NSMCE2: variants seen among roughly 807,000 people sequenced by gnomAD.
The protein encoded by NSMCE2 is E3 SUMO-protein ligase NSE2.
In NSMCE2, 24 loss-of-function variants were observed where a neutral mutation model predicts 23.8. That is an observed-to-expected ratio of 1.01 (90% confidence interval 0.73 to 1.42). The LOEUF (loss-of-function observed/expected upper bound fraction) is 1.42. Among genes scored for constraint, NSMCE2 ranks in the 40% most tolerant of loss-of-function variants. The pLI is 0.00. For missense variants in NSMCE2, 284 were observed against 296.5 expected (o/e 0.96, Z 0.31); for synonymous variants, 92 against 94.1 (o/e 0.98, Z 0.13).
intron 5 of NSMCE2, among the ~76,000 whole-genome samples, chr8:125,269,157 G>A (rs1827072955): frequency 6.6e-6 from 1 of 152,078 alleles, no homozygotes; most frequent in African/African-American, 2.4e-5. Context: ...ACACGATCTC[G>A]ACTCACTTCA....
chr8:125,354,697 A>C (rs1196675913), intron 5 of NSMCE2, among the ~76,000 whole-genome samples: 1 of 152,232 alleles, frequency 6.6e-6, no homozygotes, highest in South Asian at 2.1e-4. Flanking sequence ...GCTGGCATAC[A>C]AATATACCAG....
intron 5 of NSMCE2, among the ~76,000 whole-genome samples, chr8:125,205,107 C>G (rs998843587): frequency 6.6e-6 from 1 of 152,216 alleles, no homozygotes; most frequent in African/African-American, 2.4e-5. Context: ...TTCACTCTTG[C>G]TGATCTCTTC....
intron 5 of NSMCE2, among the ~76,000 whole-genome samples, chr8:125,202,174 G>A (rs548600910): frequency 1.3e-5 from 2 of 152,178 alleles, no homozygotes; most frequent in African/African-American, 4.8e-5. Flanking sequence ...CGCTTCCTTC[G>A]TGAGGCAATG....
chr8:125,277,772 C>T (rs2097073747), intron 5 of NSMCE2, among the ~76,000 whole-genome samples: 1 of 152,202 alleles, frequency 6.6e-6, no homozygotes, highest in South Asian at 2.1e-4. Flanking sequence ...CCTCGGCCTC[C>T]CAGAGTGCTG....
chr8:125,128,942 GTAACA>G (rs928549855), intron 3 of NSMCE2, among the ~76,000 whole-genome samples: 3 of 152,046 alleles, frequency 2.0e-5, no homozygotes, highest in African/African-American at 7.2e-5. Flanking sequence ...CCCTTTCCAT[GTAACA>G]TAACATAATT....
chr8:125,303,243 A>T (rs1183381503), intron 5 of NSMCE2, among the ~76,000 whole-genome samples: 6 of 151,992 alleles, frequency 3.9e-5, no homozygotes, highest in Non-Finnish European at 7.4e-5. Context: ...GAACTGTCAG[A>T]CTCCTTAGTC....
chr8:125,096,824 T>C (rs1817959413), intron 1 of NSMCE2, among the ~76,000 whole-genome samples: 1 of 152,102 alleles, frequency 6.6e-6, no homozygotes, highest in South Asian at 2.1e-4. Flanking sequence ...TTGGCTGGGC[T>C]GGTCTTGAAC....
intron 3 of NSMCE2, among the ~76,000 whole-genome samples, chr8:125,115,087 C>T (rs935948326): frequency 2.6e-5 from 4 of 152,144 alleles, no homozygotes; most frequent in Admixed American, 2.6e-4. Context: ...TGGCAGTGGA[C>T]TTTGTACATT....
At chr8:125,093,461 G>A (rs569070174) in intron 1 of NSMCE2, among the ~76,000 whole-genome samples, 1 of 152,250 alleles carries the variant, frequency 6.6e-6, no homozygotes, top group African/African-American at 2.4e-5. Context: ...GGCCAAGGCG[G>A]GCGGATCACT....
intron 3 of NSMCE2, among the ~76,000 whole-genome samples, chr8:125,108,165 AGAACAAACT>A (rs1168904902): frequency 6.6e-6 from 1 of 152,246 alleles, no homozygotes; most frequent in Non-Finnish European, 1.5e-5. Flanking sequence ...GACCACACTG[AGAACAAACT>A]GAGTTTGATT....
intron 5 of NSMCE2, among the ~76,000 whole-genome samples, chr8:125,249,687 T>C (rs916944170): frequency 6.6e-6 from 1 of 152,216 alleles, no homozygotes; most frequent in African/African-American, 2.4e-5. Flanking sequence ...CCCAGTTTGA[T>C]TGAAGGACAC....
At position 125,111,110 on chromosome 8, in the gene NSMCE2, A is replaced by G. The variant is rs76530536; in HGVS notation, c.157+8623A>G. ...ACAACTTGTGTTCTGGCTAAGAATCATCACCTTTTTAGATCTAGTTCCTTT... is the reference window on the plus strand; with the variant it reads ...ACAACTTGTGTTCTGGCTAAGAATCGTCACCTTTTTAGATCTAGTTCCTTT... On this transcript the variant is annotated intron_variant, in intron 3 of 7. Transcript: ENST00000287437. Among the ~76,000 whole-genome samples the G allele has an allele frequency of 8.9e-3, 1,357 of 152,284 alleles. 23 individuals carry two copies. Among genetic ancestry groups the G allele is most frequent in the African/African-American group, 0.03 (1,253 of 41,554 alleles).
chr8:125,170,372 A>ATTT (rs1822121929), intron 4 of NSMCE2, among the ~76,000 whole-genome samples: 3 of 24,620 alleles, frequency 1.2e-4, no homozygotes, highest in Non-Finnish European at 1.9e-4. Flanking sequence ...CTTACTCTTT[A>ATTT]TTTCTTTTTT....
chr8:125,358,118 A>T (rs1436832980), intron 7 of NSMCE2, among the ~76,000 whole-genome samples: 1 of 152,148 alleles, frequency 6.6e-6, no homozygotes, highest in African/African-American at 2.4e-5. Flanking sequence ...AGATCACCTG[A>T]GGTCAGGAGT....
chr8:125,331,321 G>A (rs6990622), intron 5 of NSMCE2, among the ~76,000 whole-genome samples: 66,820 of 151,888 alleles, frequency 0.44, 16,985 homozygotes, highest in East Asian at 0.55. Flanking sequence ...AATAATAATA[G>A]TAATAATTTT....
At chr8:125,356,400 C>T (rs1186607576) in intron 5 of NSMCE2, among the ~76,000 whole-genome samples, 1 of 135,066 alleles carries the variant, frequency 7.4e-6, no homozygotes, top group African/African-American at 2.7e-5. Context: ...AGGATCTTGG[C>T]CCACTGCAAC....
chr8:125,221,506 A>C (rs1487932664), intron 5 of NSMCE2, among the ~76,000 whole-genome samples: 1 of 152,176 alleles, frequency 6.6e-6, no homozygotes. Context: ...AGCTTCCCAA[A>C]GTTCTGGGAT....
chr8:125,215,398 T>A (rs1437549634), intron 5 of NSMCE2, among the ~76,000 whole-genome samples: 1 of 151,746 alleles, frequency 6.6e-6, no homozygotes. Flanking sequence ...TGCATAGTAT[T>A]CCATGGTGTA....
At chr8:125,264,321 C>T (rs184142476) in intron 5 of NSMCE2, among the ~76,000 whole-genome samples, 1 of 152,342 alleles carries the variant, frequency 6.6e-6, no homozygotes, top group East Asian at 1.9e-4. Flanking sequence ...GGATGGAGAA[C>T]ATATGCCTTA....
Sources: allele counts gnomAD v4.1 joint callset (sites outside exome capture counted in the v4.1 genomes callset), GRCh38; gene constraint gnomAD v4.1.1; transcripts MANE v1.5; gene names NCBI Gene and HGNC (gene_info 2026-07-23, HGNC 2026-07-21).